The following OSBPL10 variants were observed in gnomAD, a reference collection of about 807,000 sequenced individuals.
The protein encoded by OSBPL10 is oxysterol-binding protein-related protein 10.
Under a neutral mutation model 81.7 loss-of-function variants are expected in OSBPL10, and 49 were observed. That is an observed-to-expected ratio of 0.60 (90% CI 0.48 to 0.76). The LOEUF (loss-of-function observed/expected upper bound fraction) is 0.76, where lower values mean the gene tolerates loss of function less well. Among genes scored for constraint, OSBPL10 ranks in the 30% least tolerant of loss-of-function variants. The pLI, the probability that OSBPL10 is intolerant of heterozygous loss-of-function variation, is 0.00. For missense variants in OSBPL10, 923 were observed against 987.8 expected (o/e 0.93, Z 0.88); for synonymous variants, 419 against 383.6 (o/e 1.09, Z -1.08).
At chr3:31,969,914 G>A (rs1032550824) in intron 1 of OSBPL10, among the ~76,000 whole-genome samples, 3 of 151,454 alleles carry the variant, frequency 2.0e-5, no homozygotes, top group African/African-American at 4.9e-5. Context: ...AGGCCATGGA[G>A]AGAAAGAGTA....
chr3:31,680,064 G>A (rs572837852), intron 8 of OSBPL10, among the ~76,000 whole-genome samples: 1 of 152,072 alleles, frequency 6.6e-6, no homozygotes, highest in Non-Finnish European at 1.5e-5. Context: ...AGTGCTGCAC[G>A]GTGGTAGCTC....
At chr3:31,761,778 G>A (rs111551682) in intron 4 of OSBPL10, among the ~76,000 whole-genome samples, 11 of 141,082 alleles carry the variant, frequency 7.8e-5, no homozygotes, top group African/African-American at 2.7e-4. Flanking sequence ...TTGTGCCACC[G>A]CACTCCAGCC....
chr3:31,712,446 G>C (rs1364527478), intron 6 of OSBPL10, among the ~76,000 whole-genome samples: 2 of 152,212 alleles, frequency 1.3e-5, no homozygotes, highest in Non-Finnish European at 2.9e-5. Flanking sequence ...TTGCTGAGGT[G>C]GCCTTGATGT....
At chr3:31,871,002 C>T (rs971835599) in intron 3 of OSBPL10, among the ~76,000 whole-genome samples, 36 of 152,104 alleles carry the variant, frequency 2.4e-4, no homozygotes, top group Admixed American at 1.8e-3. Flanking sequence ...GGATTGTAAA[C>T]GCACCAATCA....
At chr3:31,733,215 A>G (rs771082838) in intron 6 of OSBPL10, 42 bp downstream of exon 6, 14 of 1,596,484 alleles carry the variant, frequency 8.8e-6, no homozygotes, top group East Asian at 2.2e-5. Flanking sequence ...TGAACAAGCG[A>G]TAACACAAGC....
intron 3 of OSBPL10, among the ~76,000 whole-genome samples, chr3:31,866,615 A>G (rs1020361777): frequency 4.6e-5 from 7 of 152,176 alleles, no homozygotes; most frequent in African/African-American, 1.7e-4. Flanking sequence ...ACGCCATGAC[A>G]AAGGCGGGGG....
chr3:31,893,117 G>T (rs1559507966), intron 1 of OSBPL10, among the ~76,000 whole-genome samples: 1 of 152,170 alleles, frequency 6.6e-6, no homozygotes, highest in Non-Finnish European at 1.5e-5. Flanking sequence ...GAGGGGCAGA[G>T]TCAAAGCCTT....
rs535724277 is a variant in OSBPL10, at chr3:32,065,062, T to C, written n.185+12334A>G. 29 of 93,822 alleles carry C rather than the reference T, an allele frequency of 3.1e-4. 9 individuals are homozygous for C. Among genetic ancestry groups the C allele is most frequent in the Admixed American group, 2.7e-3 (21 of 7,778 alleles). The allele number at this position is 93,822 out of a possible 1,614,324, so 5.8% of individuals were successfully genotyped here. A position where few individuals can be genotyped will look rare whatever the true frequency, so the allele number is the denominator to read the frequency against. On this transcript the variant is annotated intron_variant and non_coding_transcript_variant, in intron 1 of 3. Coordinates refer to the OSBPL10 transcript ENST00000479173. ...TCTCTTCCTGAGTAATTTTTCTTTC[T>C]TTTTAAATAGCTCCTTATCTGCAGC...
chr3:31,668,310 T>C (rs1301436399), intron 10 of OSBPL10, among the ~76,000 whole-genome samples: 1 of 152,194 alleles, frequency 6.6e-6, no homozygotes, highest in Admixed American at 6.5e-5. Flanking sequence ...TCTTATTGAC[T>C]CACTGTGCAG....
intron 1 of OSBPL10, among the ~76,000 whole-genome samples, chr3:31,980,229 C>T (rs978938357): frequency 1.1e-4 from 17 of 152,012 alleles, no homozygotes; most frequent in African/African-American, 4.1e-4. Flanking sequence ...GTCTCGAACT[C>T]CTGACTTCGT....
At chr3:31,683,148 A>AT (rs1458141591) in intron 8 of OSBPL10, among the ~76,000 whole-genome samples, 1 of 152,264 alleles carries the variant, frequency 6.6e-6, no homozygotes, top group Non-Finnish European at 1.5e-5. Flanking sequence ...TGGCGTGATT[A>AT]TACTATGTTC....
intron 6 of OSBPL10, among the ~76,000 whole-genome samples, chr3:31,728,304 T>C (rs79352021): frequency 0.017 from 2,544 of 152,266 alleles, 59 homozygotes; most frequent in African/African-American, 0.058. Flanking sequence ...CAGGGGTTGA[T>C]AGGAGTTGAC....
intron 1 of OSBPL10, among the ~76,000 whole-genome samples, chr3:31,920,161 G>A (rs1696869265): frequency 6.6e-6 from 1 of 152,184 alleles, no homozygotes; most frequent in African/African-American, 2.4e-5. Flanking sequence ...GGGGAGGAAG[G>A]GAGGAATAAG....
chr3:31,955,849 A>G (rs976446853), intron 1 of OSBPL10, among the ~76,000 whole-genome samples: 3 of 152,224 alleles, frequency 2.0e-5, no homozygotes, highest in Admixed American at 6.5e-5. Flanking sequence ...TGAGAGTGAG[A>G]GGGGAACAAC....
intron 4 of OSBPL10, among the ~76,000 whole-genome samples, chr3:31,776,133 G>A (rs1281165313): frequency 6.6e-6 from 1 of 152,084 alleles, no homozygotes; most frequent in East Asian, 1.9e-4. Context: ...GCAGAGAGTA[G>A]TGGCAAAACT....
intron 1 of OSBPL10, among the ~76,000 whole-genome samples, chr3:32,072,129 T>C (rs1443612843): frequency 6.6e-6 from 1 of 152,200 alleles, no homozygotes; most frequent in Non-Finnish European, 1.5e-5. Context: ...TGACTCTAAA[T>C]ATGCCTTCCA....
chr3:32,022,349 T>C (rs1699369419), intron 2 of OSBPL10, among the ~76,000 whole-genome samples: 1 of 152,170 alleles, frequency 6.6e-6, no homozygotes, highest in African/African-American at 2.4e-5. Flanking sequence ...TCCCAGATGG[T>C]TTACAGGTAA....
intron 2 of OSBPL10, among the ~76,000 whole-genome samples, chr3:32,045,521 G>C (rs1295999707): frequency 6.6e-6 from 1 of 152,214 alleles, no homozygotes; most frequent in Non-Finnish European, 1.5e-5. Context: ...AAATGAGACA[G>C]GGTCGATAAT....
chr3:31,882,261 A>G (rs528319710), intron 1 of OSBPL10, among the ~76,000 whole-genome samples: 2 of 152,314 alleles, frequency 1.3e-5, no homozygotes, highest in East Asian at 1.9e-4. Context: ...CAAGACTACT[A>G]TCTATTTTAC....
Sources: allele counts gnomAD v4.1 joint callset (sites outside exome capture counted in the v4.1 genomes callset), GRCh38; gene constraint gnomAD v4.1.1; transcripts MANE v1.5; gene names NCBI Gene and HGNC (gene_info 2026-07-23, HGNC 2026-07-21).